The following PBX1 variants were observed in gnomAD, a reference collection of about 807,000 sequenced individuals.
PBX1 encodes the protein pre-B-cell leukemia transcription factor 1.
PBX1 carries 6 observed loss-of-function variants against 53.4 expected under a neutral mutation model. That is an observed-to-expected ratio of 0.11 (90% CI 0.06 to 0.22). The LOEUF (loss-of-function observed/expected upper bound fraction) is 0.22, where lower values mean the gene tolerates loss of function less well. PBX1 is among the 10% of genes least tolerant of loss of function. PBX1 has a pLI of 1.00. For missense variants in PBX1, 251 were observed against 551.4 expected (o/e 0.46, Z 5.46); for synonymous variants, 204 against 212.3 (o/e 0.96, Z 0.34).
In PBX1 at chr1:164,850,904, C is replaced by T. The variant is rs1314399225; in HGVS notation, c.*4228C>T. ...TTTCTCCCTAATTAATAACTACATT[C>T]CATGAGGCCTCTTCCAACCAAAGAG... On this transcript the variant is annotated 3_prime_UTR_variant, in exon 9 of 9. Coordinates refer to ENST00000420696, the MANE Select transcript of PBX1 (RefSeq NM_002585.4). 1 of 212,402 alleles carries T rather than the reference C, an allele frequency of 4.7e-6. No homozygotes were observed. The highest frequency in any genetic ancestry group is 7.0e-5 in the East Asian group (1 of 14,230). 13.2% of individuals were successfully genotyped at this position (212,402 alleles called of 1,614,324 possible).
intron 2 of PBX1, among the ~76,000 whole-genome samples, chr1:164,873,217 A>G (rs754208391): frequency 5.9e-5 from 9 of 152,372 alleles, no homozygotes; most frequent in Non-Finnish European, 1.3e-4. Flanking sequence ...TTTGATCAGT[A>G]CAGGACAGGA....
intron 2 of PBX1, among the ~76,000 whole-genome samples, chr1:164,679,129 T>TA (rs1174316486): frequency 6.6e-6 from 1 of 152,234 alleles, no homozygotes; most frequent in African/African-American, 2.4e-5. Context: ...CCCTAAACGT[T>TA]ACATAGGTTT....
At chr1:164,594,025 G>A (rs1655586256) in intron 2 of PBX1, among the ~76,000 whole-genome samples, 1 of 152,068 alleles carries the variant, frequency 6.6e-6, no homozygotes, top group Non-Finnish European at 1.5e-5. Context: ...AACCTCCTGG[G>A]AATTAATAGC....
intron 8 of PBX1, among the ~76,000 whole-genome samples, chr1:164,843,128 G>A (rs1671385938): frequency 6.6e-6 from 1 of 152,132 alleles, no homozygotes; most frequent in Non-Finnish European, 1.5e-5. Flanking sequence ...GAATGATACA[G>A]CTGAAGCAGC....
intron 4 of PBX1, 45 bp downstream of exon 4, chr1:164,799,934 A>C: frequency 6.4e-7 from 1 of 1,554,594 alleles, no homozygotes; most frequent in Non-Finnish European, 8.8e-7. Context: ...GGAGTCCCTG[A>C]TCTGGGGCTG....
rs546394973 is a variant in PBX1, at chr1:164,624,635, T to C, written c.265+61324T>C. 7.2e-4 allele frequency among the ~76,000 whole-genome samples: 110 copies of C among 152,384 alleles called. 2 individuals are homozygous for C. Among genetic ancestry groups the C allele is most frequent in the African/African-American group, 2.3e-3 (97 of 41,604 alleles). On this transcript the variant is annotated intron_variant, in intron 2 of 8. Coordinates refer to ENST00000420696, the MANE Select transcript of PBX1 (RefSeq NM_002585.4). The stretch of plus-strand genomic sequence containing the variant: ...TCATGGACACACATGCAGATAAATA[T>C]ACCTACTAAAATTCTTTGAATGTAT...
chr1:164,588,690 T>A (rs1571279991), intron 2 of PBX1, among the ~76,000 whole-genome samples: 1 of 151,624 alleles, frequency 6.6e-6, no homozygotes, highest in African/African-American at 2.4e-5. Flanking sequence ...GGAAAAAAAA[T>A]AAGAGGGAGA....
intron 2 of PBX1, among the ~76,000 whole-genome samples, chr1:164,599,583 A>G (rs2792254): frequency 0.8 from 121,288 of 152,028 alleles, 48,498 homozygotes; most frequent in African/African-American, 0.85. Context: ...ACTGTCCCTC[A>G]GGAGGGGAGG....
chr1:164,795,642 TTAA>T (rs1668743550), intron 3 of PBX1, among the ~76,000 whole-genome samples: 1 of 152,230 alleles, frequency 6.6e-6, no homozygotes, highest in African/African-American at 2.4e-5. Context: ...TAATAATTTA[TTAA>T]TATTAGTTGT....
chr1:164,863,127 T>C (rs1407251678), intron 2 of PBX1, among the ~76,000 whole-genome samples: 2 of 152,262 alleles, frequency 1.3e-5, no homozygotes, highest in African/African-American at 4.8e-5. Flanking sequence ...TGAATGATTA[T>C]CTCAGATCTC....
chr1:164,874,713 C>T (rs1391680565), intron 2 of PBX1, among the ~76,000 whole-genome samples: 1 of 152,230 alleles, frequency 6.6e-6, no homozygotes, highest in Admixed American at 6.5e-5. Context: ...TGGCTGGTCT[C>T]GAACTCCTGA....
chr1:164,718,158 T>C (rs1471152446), intron 2 of PBX1, among the ~76,000 whole-genome samples: 2 of 152,250 alleles, frequency 1.3e-5, no homozygotes, highest in East Asian at 3.8e-4. Context: ...CATTTGGACT[T>C]ACCACGAATG....
At chr1:164,756,128 G>T (rs939684155) in intron 2 of PBX1, among the ~76,000 whole-genome samples, 5 of 152,178 alleles carry the variant, frequency 3.3e-5, no homozygotes, top group Admixed American at 2.6e-4. Context: ...TTTGCTTTGG[G>T]ATGGCATGGA....
chr1:164,559,565 C>A lies in PBX1; in HGVS notation c.-258C>A, dbSNP rs988341055. ...TTTCTTGCTTTTTGGAGTCAACACC[C>A]TTCCCCACCAGCCCTTATCCCCACC... On this transcript the variant is annotated 5_prime_UTR_variant, in exon 1 of 9. Transcript: ENST00000420696. The A allele has an allele frequency of 5.3e-4, 209 of 396,312 alleles. 1 individual carries two copies. Among genetic ancestry groups the A allele is most frequent in the Non-Finnish European group, 9.3e-5 (21 of 225,186 alleles). 24.5% of individuals were successfully genotyped at this position (396,312 alleles called of 1,614,324 possible). A position where few individuals can be genotyped will look rare whatever the true frequency, so the allele number is the denominator to read the frequency against.
intron 2 of PBX1, among the ~76,000 whole-genome samples, chr1:164,714,000 A>G (rs1040482229): frequency 6.6e-6 from 1 of 152,254 alleles, no homozygotes; most frequent in Admixed American, 6.5e-5. Context: ...CTGACTGGCA[A>G]TTTAGGAGAC....
chr1:164,655,172 G>A lies in PBX1; in HGVS notation c.265+91861G>A, dbSNP rs528558831. Among the ~76,000 whole-genome samples, 4 of 149,182 alleles carry A rather than the reference G, an allele frequency of 2.7e-5. No individual in the cohort carries two copies. In the South Asian group the frequency reaches 8.5e-4, roughly 32 times the overall value. On this transcript the variant is annotated intron_variant, in intron 2 of 8. Transcript: ENST00000420696. Reference sequence around the variant, plus strand: ...TTTGTTGCCCAGGCTGGAGTGCAATGGTGCGATCTCAGCTCACTGCAACCT... The same window carrying A: ...TTTGTTGCCCAGGCTGGAGTGCAATAGTGCGATCTCAGCTCACTGCAACCT...
At chr1:164,580,950 C>T (rs749484770) in intron 2 of PBX1, among the ~76,000 whole-genome samples, 3 of 152,128 alleles carry the variant, frequency 2.0e-5, no homozygotes, top group East Asian at 1.9e-4. Flanking sequence ...GCTTGACCAC[C>T]GCTGTTGTAT....
chr1:164,686,263 GTA>G (rs1300195408), intron 2 of PBX1, among the ~76,000 whole-genome samples: 1 of 152,204 alleles, frequency 6.6e-6, no homozygotes, highest in Non-Finnish European at 1.5e-5. Flanking sequence ...GAACCTGTGA[GTA>G]TGTGGTTTTT....
At chr1:164,785,685 G>A (rs1453044055) in intron 2 of PBX1, among the ~76,000 whole-genome samples, 1 of 152,196 alleles carries the variant, frequency 6.6e-6, no homozygotes, top group African/African-American at 2.4e-5. Flanking sequence ...AAGGTCCCAG[G>A]ATCCAGCTCA....
Sources: allele counts gnomAD v4.1 joint callset (sites outside exome capture counted in the v4.1 genomes callset), GRCh38; gene constraint gnomAD v4.1.1; transcripts MANE v1.5; gene names NCBI Gene and HGNC (gene_info 2026-07-23, HGNC 2026-07-21).